The following NECAB1 variants were observed in gnomAD, a reference collection of about 807,000 sequenced individuals.
NECAB1 encodes the protein N-terminal EF-hand calcium binding protein 1, also known as N-terminal EF-hand calcium-binding protein 1.
Under a neutral mutation model 57.5 loss-of-function variants are expected in NECAB1, and 29 were observed. The ratio of observed to expected loss-of-function variants is 0.50; its 90% CI spans 0.38 to 0.69. NECAB1 has a LOEUF of 0.69. NECAB1 is among the 30% of genes least tolerant of loss of function. NECAB1 has a pLI of 0.00. For synonymous variants in NECAB1, 142 were observed against 147.7 expected, an observed-to-expected ratio of 0.96 and a Z score of 0.28; for missense variants, 372 against 413.8, an observed-to-expected ratio of 0.90 and a Z score of 0.88.
intron 4 of NECAB1, among the ~76,000 whole-genome samples, chr8:90,878,935 A>C (rs1808779046): frequency 6.8e-6 from 1 of 146,956 alleles, no homozygotes; most frequent in Non-Finnish European, 1.5e-5. Flanking sequence ...ATATATAGTA[A>C]GTATTTTCTT....
At chr8:90,945,194 A>G (rs1436568247) in intron 10 of NECAB1, among the ~76,000 whole-genome samples, 1 of 152,000 alleles carries the variant, frequency 6.6e-6, no homozygotes, top group Non-Finnish European at 1.5e-5. Context: ...CGGCCTCCCA[A>G]GTAGCTGGGA....
intron 5 of NECAB1, among the ~76,000 whole-genome samples, chr8:90,907,143 TGTGTGTGTGAGAGAGAGA>T (rs1809701833): frequency 3.8e-5 from 4 of 106,624 alleles, no homozygotes; most frequent in African/African-American, 1.8e-4. Flanking sequence ...TGTGTGTGTG[TGTGTGTGTGAGAGAGAGA>T]GAGAGAGAGA....
intron 7 of NECAB1, among the ~76,000 whole-genome samples, chr8:90,927,896 A>T (rs926005088): frequency 8.6e-5 from 13 of 151,856 alleles, no homozygotes; most frequent in African/African-American, 3.1e-4. Flanking sequence ...TAAGTTTAGA[A>T]TTGTTGATTG....
intron 5 of NECAB1, among the ~76,000 whole-genome samples, chr8:90,902,176 T>C (rs1563526034): frequency 6.6e-6 from 1 of 152,138 alleles, no homozygotes; most frequent in Non-Finnish European, 1.5e-5. Flanking sequence ...TCCCAGCACT[T>C]TGGGAGGCCG....
intron 10 of NECAB1, among the ~76,000 whole-genome samples, chr8:90,943,853 G>A (rs1810732482): frequency 6.6e-6 from 1 of 152,186 alleles, no homozygotes; most frequent in East Asian, 1.9e-4. Flanking sequence ...TTGGGCTCAA[G>A]CAACCCTCCC....
chr8:90,897,174 G>A (rs1809376646), intron 5 of NECAB1, among the ~76,000 whole-genome samples: 1 of 152,018 alleles, frequency 6.6e-6, no homozygotes, highest in South Asian at 2.1e-4. Flanking sequence ...TTCCTCTTCG[G>A]TTCCCACAAT....
chr8:90,796,478 A>G (rs1202709591), intron 1 of NECAB1, among the ~76,000 whole-genome samples: 1 of 152,236 alleles, frequency 6.6e-6, no homozygotes, highest in Non-Finnish European at 1.5e-5. Context: ...GATTGTGTCC[A>G]TCTTTTAATG....
At chr8:90,854,210 C>G (rs1378406993) in intron 3 of NECAB1, among the ~76,000 whole-genome samples, 2 of 151,988 alleles carry the variant, frequency 1.3e-5, no homozygotes, top group East Asian at 3.9e-4. Context: ...TGGTTTTAGT[C>G]CCCCCTTTCT....
intron 3 of NECAB1, among the ~76,000 whole-genome samples, chr8:90,832,087 A>G (rs2129723647): frequency 6.6e-6 from 1 of 152,260 alleles, no homozygotes; most frequent in South Asian, 2.1e-4. Flanking sequence ...TTTCCTTATC[A>G]TTCACTGATT....
At chr8:90,926,760 C>G (rs1369522056) in intron 7 of NECAB1, among the ~76,000 whole-genome samples, 1 of 152,128 alleles carries the variant, frequency 6.6e-6, no homozygotes, top group Non-Finnish European at 1.5e-5. Context: ...TATTAAAAAC[C>G]ATTGTTTTAT....
At chr8:90,823,959 G>A (rs754199949) in intron 2 of NECAB1, among the ~76,000 whole-genome samples, 1 of 151,638 alleles carries the variant, frequency 6.6e-6, no homozygotes, top group Non-Finnish European at 1.5e-5. Context: ...CATCTCTGCT[G>A]ATCTAGATTT....
chr8:90,866,815 T>C (rs1307893040), intron 3 of NECAB1, among the ~76,000 whole-genome samples: 1 of 152,142 alleles, frequency 6.6e-6, no homozygotes, highest in East Asian at 1.9e-4. Flanking sequence ...GGAATGTAAA[T>C]TAGTTCAACC....
At chr8:90,951,660 A>G (rs1810925988) in intron 12 of NECAB1, among the ~76,000 whole-genome samples, 2 of 152,162 alleles carry the variant, frequency 1.3e-5, no homozygotes. Context: ...CTGAACAAGC[A>G]CTGTGTTGGG....
chr8:90,841,262 AAAAAAT>A (rs1194766589), intron 3 of NECAB1, among the ~76,000 whole-genome samples: 1 of 106,528 alleles, frequency 9.4e-6, no homozygotes, highest in African/African-American at 7.3e-5. Context: ...TCTGTCTCAA[AAAAAAT>A]AAAAAAAAAA....
intron 3 of NECAB1, among the ~76,000 whole-genome samples, chr8:90,846,790 C>T (rs1812568303): frequency 6.6e-6 from 1 of 152,108 alleles, no homozygotes; most frequent in Admixed American, 6.5e-5. Context: ...TTTATAAAAC[C>T]ATCAGATCGC....
At chr8:90,927,181 A>G (rs534493308) in intron 7 of NECAB1, among the ~76,000 whole-genome samples, 1 of 148,054 alleles carries the variant, frequency 6.8e-6, no homozygotes, top group South Asian at 2.1e-4. Flanking sequence ...ATTTTCTCCA[A>G]TCAGCCCCTT....
chr8:90,795,280 C>T (rs1165472169), intron 1 of NECAB1, among the ~76,000 whole-genome samples: 1 of 152,142 alleles, frequency 6.6e-6, no homozygotes, highest in Non-Finnish European at 1.5e-5. Context: ...AGAGAAATTC[C>T]CAAACGAAAT....
chr8:90,801,501 G>T (rs2130644050), intron 1 of NECAB1, among the ~76,000 whole-genome samples, 190 bp from the exon 2 acceptor site: 1 of 152,150 alleles, frequency 6.6e-6, no homozygotes, highest in Admixed American at 6.5e-5. Flanking sequence ...TTCATTCACG[G>T]TTTGTTTATC....
intron 5 of NECAB1, among the ~76,000 whole-genome samples, chr8:90,895,750 A>G (rs985958331): frequency 3.9e-5 from 6 of 152,238 alleles, no homozygotes; most frequent in Admixed American, 1.3e-4. Context: ...TGGCCTCTTC[A>G]AAGAGAGGAG....
Sources: allele counts gnomAD v4.1 joint callset (sites outside exome capture counted in the v4.1 genomes callset), GRCh38; gene constraint gnomAD v4.1.1; transcripts MANE v1.5; gene names NCBI Gene and HGNC (gene_info 2026-07-23, HGNC 2026-07-21).